Variants in MRPL3 observed in about 807,000 individuals in gnomAD.
MRPL3 encodes mitochondrial ribosomal protein L3, also known as large ribosomal subunit protein uL3m.
MRPL3 carries 43 observed loss-of-function variants against 44.3 expected under a neutral mutation model. The observed-to-expected ratio is 0.97, with a 90% CI of 0.76 to 1.25. The LOEUF (loss-of-function observed/expected upper bound fraction) is 1.25. Among genes scored for constraint, MRPL3 ranks in the 50% most tolerant of loss-of-function variants. The probability of loss-of-function intolerance (pLI) is 0.00; values close to 1 mark genes in which losing one functional copy is unlikely to be tolerated. For missense variants in MRPL3, 406 were observed against 427.6 expected, an observed-to-expected ratio of 0.95 and a Z score of 0.45; for synonymous variants, 171 against 152.3, an observed-to-expected ratio of 1.12 and a Z score of -0.91.
At chr3:131,497,955 G>T in intron 4 of MRPL3, 1 of 543,074 alleles carries the variant, frequency 1.8e-6, no homozygotes, top group Non-Finnish European at 3.3e-6. Flanking sequence ...GCTTAGAGAG[G>T]TAAAATTACT....
At chr3:131,491,281 G>C (rs1934250520) in intron 4 of MRPL3, among the ~76,000 whole-genome samples, 2 of 152,026 alleles carry the variant, frequency 1.3e-5, no homozygotes, top group African/African-American at 4.8e-5. Flanking sequence ...AACCACACTG[G>C]TTGATACTCA....
In MRPL3 at chr3:131,502,955, C is replaced by G; in HGVS notation, c.-134G>C. ...TCGCAATGGCCGCCGGAACGGTCGC[C>G]GGCCGATGCTCTCTGCGACGGAAAG... On this transcript the variant is annotated 5_prime_UTR_variant, in exon 1 of 10. Coordinates refer to ENST00000264995, the MANE Select transcript of MRPL3 (RefSeq NM_007208.4). 2.4e-6 allele frequency: 2 copies of G among 816,590 alleles called. No homozygotes were observed. Among genetic ancestry groups the G allele is most frequent in the Non-Finnish European group, 4.1e-6 (2 of 488,084 alleles). 50.6% of individuals were successfully genotyped at this position (816,590 alleles called of 1,614,324 possible). A position where few individuals can be genotyped will look rare whatever the true frequency, so the allele number is the denominator to read the frequency against.
At chr3:131,500,805 T>C (rs987645698) in intron 2 of MRPL3, among the ~76,000 whole-genome samples, 3 of 152,218 alleles carry the variant, frequency 2.0e-5, no homozygotes, top group Admixed American at 1.3e-4. Context: ...TTTTAAATAA[T>C]GGGCATGATA....
intron 9 of MRPL3, among the ~76,000 whole-genome samples, chr3:131,467,476 C>G (rs936172502): frequency 1.3e-5 from 2 of 152,036 alleles, no homozygotes; most frequent in African/African-American, 4.8e-5. Flanking sequence ...AAATTGTAAT[C>G]CCCAATGTTA....
intron 6 of MRPL3, among the ~76,000 whole-genome samples, chr3:131,476,561 A>C (rs1490395475): frequency 1.3e-5 from 2 of 152,190 alleles, no homozygotes; most frequent in African/African-American, 4.8e-5. Flanking sequence ...TAATGATAGC[A>C]GAAAAAAAAT....
At chr3:131,466,770 T>C (rs760243441) in intron 9 of MRPL3, among the ~76,000 whole-genome samples, 4 of 152,066 alleles carry the variant, frequency 2.6e-5, no homozygotes, top group Non-Finnish European at 4.4e-5. Flanking sequence ...TCTCAATAAA[T>C]ATACATTGTA....
intron 4 of MRPL3, among the ~76,000 whole-genome samples, chr3:131,495,609 G>C (rs1471730536): frequency 1.3e-5 from 2 of 151,976 alleles, no homozygotes; most frequent in African/African-American, 4.8e-5. Context: ...AAAGCTATCA[G>C]AATAAGCTAA....
chr3:131,487,846 G>A (rs1245566285), intron 5 of MRPL3, 106 bp from the exon 6 acceptor site: 2 of 787,764 alleles, frequency 2.5e-6, no homozygotes, highest in African/African-American at 1.8e-5. Flanking sequence ...TTTCAAAAAT[G>A]GTAAGAGATT....
chr3:131,469,335 A>T (rs1406283705), intron 8 of MRPL3, among the ~76,000 whole-genome samples: 2 of 151,918 alleles, frequency 1.3e-5, no homozygotes, highest in Non-Finnish European at 2.9e-5. Context: ...ACACACGTAG[A>T]GAGCTTTTGT....
rs535728504 is a variant in MRPL3 at position 131,473,028 on chromosome 3, C to T, written c.630-1749G>A. 4.7e-4 allele frequency among the ~76,000 whole-genome samples: 71 copies of T among 152,138 alleles called. 1 individual carries two copies. In the South Asian group the frequency reaches 0.014, roughly 31 times the overall value. ...TTTAATGCAACCTCTATCAAAATAC[C>T]AATGACACTCTTCACAGAAATAGAA... On this transcript the variant is annotated intron_variant, in intron 6 of 9. Coordinates refer to ENST00000264995, the MANE Select transcript of MRPL3 (RefSeq NM_007208.4).
chr3:131,496,634 T>C (rs988075776), intron 4 of MRPL3, among the ~76,000 whole-genome samples: 20 of 152,156 alleles, frequency 1.3e-4, no homozygotes, highest in African/African-American at 4.8e-4. Context: ...AGTTGTGTCC[T>C]CCCACCTAGT....
At chr3:131,494,081 G>A (rs1218280785) in intron 4 of MRPL3, among the ~76,000 whole-genome samples, 1 of 152,166 alleles carries the variant, frequency 6.6e-6, no homozygotes, top group Non-Finnish European at 1.5e-5. Context: ...TTTAATTTTT[G>A]GATCAGTCTA....
intron 6 of MRPL3, among the ~76,000 whole-genome samples, chr3:131,478,708 ATTTTTT>A: frequency 7.4e-6 from 1 of 135,770 alleles, no homozygotes; most frequent in Non-Finnish European, 1.6e-5. Context: ...GAAATATTCG[ATTTTTT>A]TTTTTTTTTT....
Position 131,500,415 on chromosome 3 carries a change from C to T in MRPL3, c.369+15G>A, listed in dbSNP as rs1934470645. 1.3e-6 allele frequency: 2 copies of T among 1,596,450 alleles called. No individual in the cohort carries two copies. Among genetic ancestry groups the T allele is most frequent in the African/African-American group, 1.3e-5 (1 of 74,676 alleles). ...AACACATAGATATCTCTTACGTCTT[C>T]TGTTTCTCTCTTACCTGAAGTAATG... On this transcript the variant is annotated intron_variant, in intron 3 of 9. Transcript: ENST00000264995.
chr3:131,469,573 T>C (rs1395812802), intron 8 of MRPL3, 123 bp downstream of exon 8: 14 of 634,548 alleles, frequency 2.2e-5, no homozygotes, highest in South Asian at 1.1e-4. Context: ...ATGTATCCTC[T>C]TTTCCTCAAT....
rs775175471 is a variant in MRPL3, at chr3:131,502,761, C to A, written c.61G>T (p.Gly21Cys). 2 of 1,612,418 alleles carry A rather than the reference C, an allele frequency of 1.2e-6. No homozygotes were observed. Among genetic ancestry groups the A allele is most frequent in the Admixed American group, 1.7e-5 (1 of 59,896 alleles). The stretch of plus-strand genomic sequence containing the variant: ...CCCGGGCCCAGGGCAGCACCCAGGC[C>A]GTCCCCGAGTCGACCCAGCACCTGG... ...GAQVLGRLGD[G>C]LGAALGPGNR... The change falls in exon 1 of 10, where the codon GGC (glycine) becomes TGC (cysteine). Residue 21 changes from glycine to cysteine, a missense_variant. Transcript: ENST00000264995.
intron 4 of MRPL3, among the ~76,000 whole-genome samples, chr3:131,497,120 T>C (rs1014367643): frequency 6.6e-6 from 1 of 152,206 alleles, no homozygotes; most frequent in Non-Finnish European, 1.5e-5. Context: ...ATTTATAATA[T>C]TGTACTGGGA....
chr3:131,501,897 G>A (rs1164425952), intron 1 of MRPL3, 182 bp from the exon 2 acceptor site: 1 of 1,537,394 alleles, frequency 6.5e-7, no homozygotes, highest in African/African-American at 1.4e-5. Context: ...TTCGGATAAG[G>A]CTCACATTTA....
chr3:131,472,402 A>C (rs1368709059), intron 6 of MRPL3, among the ~76,000 whole-genome samples: 1 of 152,166 alleles, frequency 6.6e-6, no homozygotes, highest in East Asian at 1.9e-4. Context: ...AAAGCTAAAG[A>C]ATTATTAAAG....
Sources: gnomAD v4.1 joint callset for allele counts (sites outside exome capture counted in the v4.1 genomes callset) on GRCh38, gnomAD v4.1.1 for gene constraint, MANE v1.5 for transcripts, NCBI Gene and HGNC (gene_info 2026-07-23, HGNC 2026-07-21) for gene names.